ZNF831: variants seen among roughly 807,000 people sequenced by gnomAD.
The protein encoded by ZNF831 is chromosome 20 open reading frame 174.
In ZNF831, 59 loss-of-function variants were observed where a neutral mutation model predicts 95.8. That is an observed-to-expected ratio of 0.62 (90% CI 0.50 to 0.77). The LOEUF is 0.77. Among genes scored for constraint, ZNF831 ranks in the 30% least tolerant of loss-of-function variants. ZNF831 has a pLI of 0.00. For missense variants in ZNF831, 2,205 were observed against 2,164.0 expected, an observed-to-expected ratio of 1.02 and a Z score of -0.38; for synonymous variants, 961 against 925.5, an observed-to-expected ratio of 1.04 and a Z score of -0.70.
intron 4 of ZNF831, among the ~76,000 whole-genome samples, chr20:59,209,366 G>A (rs1049075533): frequency 6.6e-6 from 1 of 152,206 alleles, no homozygotes; most frequent in Non-Finnish European, 1.5e-5. Flanking sequence ...ATTAGTGTTG[G>A]GGGAGGAAGA....
intron 1 of ZNF831, among the ~76,000 whole-genome samples, chr20:59,164,496 C>T (rs986417861): frequency 1.3e-5 from 2 of 152,120 alleles, no homozygotes; most frequent in African/African-American, 4.8e-5. Context: ...GCTTTATAAA[C>T]TGTTTTTTTT....
At chr20:59,204,655 G>T (rs1984756004) in intron 3 of ZNF831, among the ~76,000 whole-genome samples, 1 of 152,172 alleles carries the variant, frequency 6.6e-6, no homozygotes, top group South Asian at 2.1e-4. Flanking sequence ...CCACTCCTTG[G>T]GTCTACTGTC....
intron 1 of ZNF831, among the ~76,000 whole-genome samples, chr20:59,180,794 T>C (rs1055600158): frequency 6.6e-6 from 1 of 152,246 alleles, no homozygotes; most frequent in African/African-American, 2.4e-5. Context: ...TTTGGGTTGG[T>C]TCCAAGTCTT....
intron 1 of ZNF831, among the ~76,000 whole-genome samples, chr20:59,142,200 A>T (rs1979704950): frequency 6.6e-6 from 1 of 152,190 alleles, no homozygotes; most frequent in Non-Finnish European, 1.5e-5. Flanking sequence ...GGCAGGGGGA[A>T]TAGGGTGGAA....
At position 59,194,024 on chromosome 20, in the gene ZNF831, A is replaced by G. The variant is rs752064111; in HGVS notation, c.3005A>G (p.Asp1002Gly). Residue 1002 changes from aspartate (D) to glycine (G), a missense_variant, in exon 2 of 6, where the codon GAC becomes GGC. Transcript: ENST00000371030. ...TCAGGCCCCTCCCCAGGTGAGGCGGACAGCATCCTGGAGGACCCCAGCTGT... is the reference window on the plus strand; with the variant it reads ...TCAGGCCCCTCCCCAGGTGAGGCGGGCAGCATCCTGGAGGACCCCAGCTGT... ...PASGPSPGEA[D>G]SILEDPSCSR... 1.3e-6 allele frequency: 2 copies of G among 1,528,288 alleles called. No homozygotes were observed. The highest frequency in any genetic ancestry group is 2.6e-5 in the South Asian group (2 of 77,272). 94.7% of individuals were successfully genotyped at this position (1,528,288 alleles called of 1,614,324 possible).
At chr20:59,174,089 A>T (rs1981952798) in intron 1 of ZNF831, among the ~76,000 whole-genome samples, 3 of 152,096 alleles carry the variant, frequency 2.0e-5, no homozygotes, top group Admixed American at 2.0e-4. Flanking sequence ...ACAAGCAGAG[A>T]TGTGGGCATG....
At chr20:59,186,220 A>T (rs1049068497) in intron 1 of ZNF831, among the ~76,000 whole-genome samples, 4 of 152,124 alleles carry the variant, frequency 2.6e-5, no homozygotes. Flanking sequence ...CCATTTCCTT[A>T]CAAGTGTTTC....
chr20:59,195,395 T>G (rs1984013063), intron 2 of ZNF831, among the ~76,000 whole-genome samples: 1 of 152,218 alleles, frequency 6.6e-6, no homozygotes, highest in Admixed American at 6.5e-5. Context: ...AGGACGGTCC[T>G]GGAGGCTCAG....
rs761592835 is a variant in ZNF831 at position 59,155,364 on chromosome 20, G to A, written c.-1280-4288G>A. Among the ~76,000 whole-genome samples, 70 of 152,338 alleles carry A rather than the reference G, an allele frequency of 4.6e-4. No homozygotes were observed. In the Middle Eastern group the frequency reaches 0.01, roughly 22 times the overall value. On this transcript the variant is annotated intron_variant, in intron 2 of 7. Coordinates refer to the ZNF831 transcript ENST00000637017. ...TGAATGCACTAATATTTTTGTCTGT[G>A]TGCAGCTGTGTCTCTGTCTGCACAT... is the stretch of plus-strand genomic sequence containing the variant.
intron 4 of ZNF831, among the ~76,000 whole-genome samples, chr20:59,218,597 T>C (rs1985865722): frequency 6.8e-6 from 1 of 147,450 alleles, no homozygotes; most frequent in African/African-American, 2.5e-5. Context: ...GCGTGACTGT[T>C]TTTTTTTTTT....
At chr20:59,197,878 G>C (rs1234508108) in intron 3 of ZNF831, among the ~76,000 whole-genome samples, 1 of 151,420 alleles carries the variant, frequency 6.6e-6, no homozygotes, top group Admixed American at 6.6e-5. Context: ...GGAAACAAGG[G>C]ACATCGGCTA....
At chr20:59,212,781 A>G (rs1477000184) in intron 4 of ZNF831, among the ~76,000 whole-genome samples, 1 of 152,202 alleles carries the variant, frequency 6.6e-6, no homozygotes, top group Non-Finnish European at 1.5e-5. Flanking sequence ...AACTTTCCCT[A>G]ATAGACTGAC....
At chr20:59,175,941 T>C (rs80195352) in intron 1 of ZNF831, among the ~76,000 whole-genome samples, 12,676 of 152,284 alleles carry the variant, frequency 0.083, 719 homozygotes, top group Non-Finnish European at 0.12. Flanking sequence ...TGAGGTTCCC[T>C]ACTCAGCCTC....
upstream of ZNF831, among the ~76,000 whole-genome samples, chr20:59,162,577 G>A (rs1049113257): frequency 5.3e-5 from 8 of 151,986 alleles, no homozygotes; most frequent in East Asian, 1.5e-3. Flanking sequence ...TATTTTTGTT[G>A]ACTTTGTTGA....
chr20:59,195,802 C>T, intron 2 of ZNF831, 67 bp from the exon 3 acceptor site: 2 of 1,563,448 alleles, frequency 1.3e-6, no homozygotes, highest in Non-Finnish European at 8.6e-7. Flanking sequence ...AGAGCGAGAA[C>T]CCTTTGGAGT....
intron 3 of ZNF831, among the ~76,000 whole-genome samples, chr20:59,204,421 G>A (rs1207678453): frequency 6.6e-6 from 1 of 151,824 alleles, no homozygotes; most frequent in Admixed American, 6.5e-5. Context: ...ATGTGGCTGA[G>A]ACTCTTTGTC....
At chr20:59,249,846 A>C (rs259963) in intron 4 of ZNF831, among the ~76,000 whole-genome samples, 77,853 of 151,904 alleles carry the variant, frequency 0.51, 21,218 homozygotes, top group East Asian at 0.89. Flanking sequence ...TCTAACAACC[A>C]ACAAGAGGTT....
At chr20:59,130,523 C>T (rs1234580593) in intron 1 of ZNF831, among the ~76,000 whole-genome samples, 1 of 152,200 alleles carries the variant, frequency 6.6e-6, no homozygotes, top group East Asian at 1.9e-4. Context: ...TGGCTTCCCT[C>T]CCCTCCTAAT....
chr20:59,218,098 T>G (rs888895703), intron 4 of ZNF831, among the ~76,000 whole-genome samples: 4 of 152,254 alleles, frequency 2.6e-5, no homozygotes, highest in Admixed American at 2.6e-4. Context: ...AGAGAGCAAA[T>G]AGTAATATGT....
Sources: allele counts gnomAD v4.1 joint callset (sites outside exome capture counted in the v4.1 genomes callset), GRCh38; gene constraint gnomAD v4.1.1; transcripts MANE v1.5; gene names NCBI Gene and HGNC (gene_info 2026-07-23, HGNC 2026-07-21).